KCNIP4: variants seen among roughly 807,000 people sequenced by gnomAD.
KCNIP4 encodes potassium voltage-gated channel interacting protein 4, also known as Kv channel-interacting protein 4.
KCNIP4 carries 12 observed loss-of-function variants against 34.0 expected under a neutral mutation model. The ratio of observed to expected loss-of-function variants is 0.35; its 90% CI spans 0.23 to 0.57. The LOEUF is 0.57. Among genes scored for constraint, KCNIP4 ranks in the 20% least tolerant of loss-of-function variants. The probability of loss-of-function intolerance (pLI) is 0.83; values close to 1 mark genes in which losing one functional copy is unlikely to be tolerated. For missense variants in KCNIP4, 238 were observed against 311.7 expected (o/e 0.76, Z 1.78); for synonymous variants, 124 against 102.2 (o/e 1.21, Z -1.29).
chr4:20,944,866 G>A (rs1360330542), intron 1 of KCNIP4, among the ~76,000 whole-genome samples: 5 of 52,932 alleles, frequency 9.4e-5, no homozygotes, highest in Non-Finnish European at 1.6e-4. Flanking sequence ...TTCTGAGCAC[G>A]TGTTTATACT....
intron 8 of KCNIP4, 115 bp from the exon 9 acceptor site, chr4:20,730,244 A>C: frequency 7.7e-7 from 1 of 1,304,946 alleles, no homozygotes; most frequent in Non-Finnish European, 1.0e-6. Flanking sequence ...CTATGCCAAA[A>C]GCTCAAATAT....
chr4:21,407,555 CATT>C (rs2109575939), intron 1 of KCNIP4, among the ~76,000 whole-genome samples: 1 of 152,176 alleles, frequency 6.6e-6, no homozygotes, highest in Admixed American at 6.5e-5. Context: ...AATAAATAAA[CATT>C]GTAAGTTCTA....
chr4:21,783,677 T>C (rs1193185608), intron 1 of KCNIP4, among the ~76,000 whole-genome samples: 2 of 152,182 alleles, frequency 1.3e-5, no homozygotes, highest in Non-Finnish European at 1.5e-5. Context: ...TCAGTGTTTA[T>C]AGTCATAACA....
chr4:21,048,942 A>ATTTTTTTTTTTTTTTTTTTTTTTTTT (rs1742671680), intron 1 of KCNIP4, among the ~76,000 whole-genome samples: 1 of 130,742 alleles, frequency 7.6e-6, no homozygotes, highest in Non-Finnish European at 1.6e-5. Context: ...CCTTCTGTTT[A>ATTTTTTTTTTTTTTTTTTTTTTTTTT]TCTTTTTTTT....
intron 1 of KCNIP4, among the ~76,000 whole-genome samples, chr4:21,405,938 C>A (rs1380464981): frequency 1.3e-5 from 2 of 152,198 alleles, no homozygotes; most frequent in South Asian, 4.1e-4. Flanking sequence ...CGGGTTCAAG[C>A]GATTCTCCTG....
chr4:21,038,420 G>A (rs1017348322), intron 1 of KCNIP4, among the ~76,000 whole-genome samples: 2 of 152,138 alleles, frequency 1.3e-5, no homozygotes, highest in Non-Finnish European at 2.9e-5. Context: ...ATGCAGGACA[G>A]TTTATGACTC....
intron 1 of KCNIP4, among the ~76,000 whole-genome samples, chr4:21,582,788 A>T (rs1413094670): frequency 6.6e-6 from 1 of 151,962 alleles, no homozygotes; most frequent in Admixed American, 6.6e-5. Flanking sequence ...GGACATCTGG[A>T]ATGAAAATGC....
intron 1 of KCNIP4, among the ~76,000 whole-genome samples, chr4:21,443,488 G>C (rs145097458): frequency 1.5e-3 from 230 of 152,286 alleles, no homozygotes; most frequent in Middle Eastern, 0.01. Context: ...ATTTAAATAA[G>C]TAGACTTTGA....
At chr4:21,294,453 C>T (rs530745698) in intron 1 of KCNIP4, among the ~76,000 whole-genome samples, 90 of 152,212 alleles carry the variant, frequency 5.9e-4, no homozygotes, top group Non-Finnish European at 9.1e-4. Context: ...TAAACCTTCC[C>T]CATTTTCCTG....
chr4:21,899,586 C>T (rs564531790), intron 1 of KCNIP4, among the ~76,000 whole-genome samples: 5 of 152,056 alleles, frequency 3.3e-5, no homozygotes, highest in South Asian at 4.2e-4. Context: ...AAAAATTCAG[C>T]GAAGTTGCAG....
intron 1 of KCNIP4, among the ~76,000 whole-genome samples, chr4:21,123,751 C>T (rs1166312680): frequency 6.6e-6 from 1 of 152,066 alleles, no homozygotes; most frequent in African/African-American, 2.4e-5. Flanking sequence ...GGGGCCCTCG[C>T]AATGGGATTA....
At chr4:21,013,824 T>G (rs1174588292) in intron 1 of KCNIP4, among the ~76,000 whole-genome samples, 1 of 152,176 alleles carries the variant, frequency 6.6e-6, no homozygotes, top group Non-Finnish European at 1.5e-5. Context: ...AGAGACTTTG[T>G]TTTGAATCAG....
intron 1 of KCNIP4, among the ~76,000 whole-genome samples, chr4:21,859,020 T>A (rs1369961728): frequency 6.6e-6 from 1 of 152,176 alleles, no homozygotes; most frequent in Admixed American, 6.5e-5. Flanking sequence ...TATCCAACCC[T>A]CAAAGCAAAA....
chr4:20,793,300 T>G (rs567324461), intron 3 of KCNIP4, among the ~76,000 whole-genome samples: 14 of 152,292 alleles, frequency 9.2e-5, no homozygotes, highest in Non-Finnish European at 1.6e-4. Flanking sequence ...GGATTAAGAC[T>G]AAGTGAAACA....
At chr4:21,172,130 C>G (rs1182280751) in intron 1 of KCNIP4, among the ~76,000 whole-genome samples, 4 of 152,078 alleles carry the variant, frequency 2.6e-5, no homozygotes, top group African/African-American at 7.2e-5. Context: ...CGGGTTCAAG[C>G]AATTCTCCTG....
At chr4:21,140,708 T>C (rs1043617003) in intron 1 of KCNIP4, among the ~76,000 whole-genome samples, 2 of 152,174 alleles carry the variant, frequency 1.3e-5, no homozygotes, top group African/African-American at 4.8e-5. Flanking sequence ...AGTTTTCCAG[T>C]CTTTTTTCTG....
rs189263796 is a variant in KCNIP4, at chr4:21,767,908, T to G, written c.61+180663A>C. On this transcript the variant is annotated intron_variant, in intron 1 of 8. Transcript: ENST00000382152. ...TTAAATAAATTAAAGATGGGAAAAG[T>G]GATAAAATGTCAATTAAGAAAGCCA... Among the ~76,000 whole-genome samples, 34 of 152,032 alleles carry G rather than the reference T, an allele frequency of 2.2e-4. No individual in the cohort carries two copies. In the East Asian group the frequency reaches 6.4e-3, roughly 29 times the overall value.
chr4:21,604,852 T>C (rs1743507336), intron 1 of KCNIP4, among the ~76,000 whole-genome samples: 1 of 151,812 alleles, frequency 6.6e-6, no homozygotes, highest in African/African-American at 2.4e-5. Flanking sequence ...GTAAAGTAGC[T>C]AGTGGAACAT....
At chr4:21,400,690 G>T (rs574536180) in intron 1 of KCNIP4, among the ~76,000 whole-genome samples, 1 of 152,116 alleles carries the variant, frequency 6.6e-6, no homozygotes, top group Non-Finnish European at 1.5e-5. Context: ...GCATCCAACT[G>T]GTGCTGGATT....
Sources: gnomAD v4.1 joint callset for allele counts (sites outside exome capture counted in the v4.1 genomes callset) on GRCh38, gnomAD v4.1.1 for gene constraint, MANE v1.5 for transcripts, NCBI Gene and HGNC (gene_info 2026-07-23, HGNC 2026-07-21) for gene names.